Variants in CR1L observed in about 807,000 individuals in gnomAD.
CR1L encodes the protein complement C3b/C4b receptor 1 like.
CR1L carries 59 observed loss-of-function variants against 62.3 expected under a neutral mutation model. The ratio of observed to expected loss-of-function variants is 0.95; its 90% CI spans 0.77 to 1.18. CR1L has a LOEUF of 1.18. CR1L is among the 50% of genes most tolerant of loss of function. CR1L has a pLI of 0.00. For synonymous variants in CR1L, 279 were observed against 248.7 expected, an observed-to-expected ratio of 1.12 and a Z score of -1.15; for missense variants, 700 against 702.8, an observed-to-expected ratio of 1.00 and a Z score of 0.04.
At chr1:207,697,931 A>C in intron 7 of CR1L, 58 bp downstream of exon 7, 1 of 1,610,366 alleles carries the variant, frequency 6.2e-7, no homozygotes, top group Admixed American at 1.7e-5. Flanking sequence ...GAATTAGTCC[A>C]AAAAGGGGAG....
At chr1:207,706,046 A>T (rs1243474318) in intron 9 of CR1L, among the ~76,000 whole-genome samples, 4 of 121,026 alleles carry the variant, frequency 3.3e-5, no homozygotes, top group Admixed American at 1.6e-4. Context: ...TATATATATA[A>T]AACACTGAAT....
At chr1:207,645,829 G>C (rs1422065124) in intron 1 of CR1L, among the ~76,000 whole-genome samples, 3 of 152,168 alleles carry the variant, frequency 2.0e-5, no homozygotes, top group Admixed American at 2.0e-4. Context: ...CCATGGGCTG[G>C]GCTGGCCTGG....
intron 1 of CR1L, chr1:207,652,856 T>C: frequency 9.6e-6 from 4 of 414,814 alleles, no homozygotes; most frequent in South Asian, 3.4e-5. Flanking sequence ...AGGTTTAAGA[T>C]AGCAATGCAT....
intron 5 of CR1L, among the ~76,000 whole-genome samples, chr1:207,696,225 G>A (rs1451107810): frequency 2.0e-5 from 3 of 152,220 alleles, no homozygotes; most frequent in Admixed American, 1.3e-4. Flanking sequence ...CTGCCAGAAT[G>A]CAGCTGATAT....
chr1:207,707,691 A>G (rs1977268), intron 9 of CR1L, among the ~76,000 whole-genome samples: 2 of 151,938 alleles, frequency 1.3e-5, no homozygotes, highest in South Asian at 2.1e-4. Context: ...TTTGGTTTAA[A>G]CTTCTTGTCA....
chr1:207,673,522 A>C (rs1268742898), intron 1 of CR1L, among the ~76,000 whole-genome samples: 1 of 152,240 alleles, frequency 6.6e-6, no homozygotes, highest in East Asian at 1.9e-4. Context: ...TTGTGCGTAT[A>C]GCACAGAATA....
chr1:207,695,321 A>G (rs1432610852), intron 5 of CR1L, among the ~76,000 whole-genome samples: 2 of 152,070 alleles, frequency 1.3e-5, no homozygotes, highest in Non-Finnish European at 2.9e-5. Context: ...ATAGAGATCG[A>G]ATCTCACCAT....
intron 4 of CR1L, among the ~76,000 whole-genome samples, chr1:207,693,853 T>A (rs147210088): frequency 6.6e-6 from 1 of 152,166 alleles, no homozygotes; most frequent in African/African-American, 2.4e-5. Context: ...ATCATTTAGA[T>A]TTTCAAAATA....
chr1:207,657,620 A>C (rs2096741683), intron 1 of CR1L, among the ~76,000 whole-genome samples: 2 of 152,216 alleles, frequency 1.3e-5, no homozygotes, highest in Admixed American at 6.5e-5. Context: ...ACACTGGCTT[A>C]AAAATAAGAA....
chr1:207,676,006 C>A (rs532639264), intron 1 of CR1L, among the ~76,000 whole-genome samples: 25 of 152,248 alleles, frequency 1.6e-4, no homozygotes, highest in Admixed American at 4.6e-4. Flanking sequence ...GAGATGTGTA[C>A]TCCCACTGAA....
At chr1:207,691,297 T>G (rs985777629) in intron 4 of CR1L, among the ~76,000 whole-genome samples, 29 of 152,072 alleles carry the variant, frequency 1.9e-4, no homozygotes, top group African/African-American at 7.0e-4. Context: ...TGTACATTAA[T>G]ATAGCTATAT....
chr1:207,713,210 G>T (rs761258844), intron 10 of CR1L, among the ~76,000 whole-genome samples: 1 of 152,046 alleles, frequency 6.6e-6, no homozygotes. Context: ...GAATGGGTAC[G>T]TATTTATTTG....
At chr1:207,677,080 A>G (rs1663702814) in intron 1 of CR1L, among the ~76,000 whole-genome samples, 1 of 152,084 alleles carries the variant, frequency 6.6e-6, no homozygotes, top group African/African-American at 2.4e-5. Flanking sequence ...TAATCCCAGG[A>G]CTTTGGGAGG....
intron 11 of CR1L, among the ~76,000 whole-genome samples, chr1:207,718,772 G>C (rs1030603639): frequency 6.6e-6 from 1 of 152,064 alleles, no homozygotes; most frequent in Non-Finnish European, 1.5e-5. Context: ...TTGAAAAAAT[G>C]ACTATAAATC....
chr1:207,704,464 T>C (rs1175583323), intron 9 of CR1L, among the ~76,000 whole-genome samples: 2 of 152,332 alleles, frequency 1.3e-5, no homozygotes, highest in East Asian at 1.9e-4. Context: ...TCTGGGAGGA[T>C]TGACTCCAAT....
At chr1:207,710,112 G>A (rs1008516596) in intron 10 of CR1L, among the ~76,000 whole-genome samples, 2 of 152,264 alleles carry the variant, frequency 1.3e-5, no homozygotes, top group African/African-American at 4.8e-5. Flanking sequence ...GGAAGGCAGA[G>A]GCAGGTGGAT....
chr1:207,682,246 GA>G (rs35567385), intron 3 of CR1L, among the ~76,000 whole-genome samples: 73,724 of 151,780 alleles, frequency 0.49, 18,222 homozygotes, highest in East Asian at 0.69. Context: ...TGAGGTGGGA[GA>G]AATCACCTGA....
rs186662978 is a variant in CR1L at position 207,649,373 on chromosome 1, C to T, written c.97+4043C>T. Among the ~76,000 whole-genome samples the T allele has an allele frequency of 1.4e-3, 209 of 152,260 alleles. 1 individual carries two copies. Among genetic ancestry groups the T allele is most frequent in the Non-Finnish European group, 1.2e-3 (84 of 68,020 alleles). ...TCACAGGGTGAGCAGTTCTAAAAAG[C>T]AACAGGCTTGTCAGGAATAAACAAT... On this transcript the variant is annotated intron_variant, in intron 1 of 11. Transcript: ENST00000508064.
chr1:207,690,676 C>T (rs933062238), intron 4 of CR1L, among the ~76,000 whole-genome samples: 3 of 152,222 alleles, frequency 2.0e-5, no homozygotes, highest in African/African-American at 7.2e-5. Context: ...GAAATTTACT[C>T]TCTCAACAGT....
Sources: allele counts gnomAD v4.1 joint callset (sites outside exome capture counted in the v4.1 genomes callset), GRCh38; gene constraint gnomAD v4.1.1; transcripts MANE v1.5; gene names NCBI Gene and HGNC (gene_info 2026-07-23, HGNC 2026-07-21).